The following GNE variants were observed in gnomAD, a reference collection of about 807,000 sequenced individuals.
GNE encodes the protein bifunctional UDP-N-acetylglucosamine 2-epimerase/N-acetylmannosamine kinase.
A neutral mutation model predicts 61.8 loss-of-function variants in GNE; 41 were observed. The ratio of observed to expected loss-of-function variants is 0.66; its 90% CI spans 0.52 to 0.86. The LOEUF is 0.86. GNE is among the 40% of genes least tolerant of loss of function. The pLI is 0.00. For missense variants in GNE, 608 were observed against 909.1 expected (o/e 0.67, Z 4.26); for synonymous variants, 264 against 326.4 (o/e 0.81, Z 2.06).
rs1828425582 is a variant in GNE, at chr9:36,218,324, A to T, written c.1817-25T>A. ...TCTGAACAGAGTGAGAAGGAAAAGC[A>T]GTCACTAATGAGCTGTGGGGAGGCC... On this transcript the variant is annotated intron_variant, in intron 10 of 11. Coordinates refer to ENST00000642385, the MANE Select transcript of GNE (RefSeq NM_005476.7). This position sits in a 1 kb window ranked among gnomAD's most constrained non-coding sequence, Gnocchi z 4.1. 3 of 1,551,336 alleles carry T rather than the reference A, an allele frequency of 1.9e-6. No homozygotes were observed. Among genetic ancestry groups the T allele is most frequent in the Non-Finnish European group, 2.7e-6 (3 of 1,122,670 alleles).
intron 6 of GNE, 116 bp downstream of exon 6, chr9:36,228,905 C>T (rs529242005): frequency 5.1e-5 from 40 of 779,570 alleles, no homozygotes; most frequent in Admixed American, 3.3e-4. Context: ...ACTAGGGGCC[C>T]GTAGGCATAA....
chr9:36,242,741 T>C (rs1227895393), intron 3 of GNE, among the ~76,000 whole-genome samples: 3 of 143,794 alleles, frequency 2.1e-5, no homozygotes, highest in Non-Finnish European at 4.6e-5. Flanking sequence ...TGTTTTTTTT[T>C]TTTTTTTTTT....
At chr9:36,264,255 C>T (rs1250193192) in intron 1 of GNE, among the ~76,000 whole-genome samples, 2 of 152,094 alleles carry the variant, frequency 1.3e-5, no homozygotes, top group African/African-American at 4.8e-5. Context: ...GCCTCAGCTT[C>T]CCAAGTAATT....
intron 7 of GNE, among the ~76,000 whole-genome samples, chr9:36,224,600 G>T (rs374618785): frequency 3.7e-4 from 56 of 152,268 alleles, no homozygotes; most frequent in African/African-American, 1.2e-3. Flanking sequence ...CGGCCGTGGT[G>T]GCTCACGCCT....
intron 1 of GNE, among the ~76,000 whole-genome samples, chr9:36,265,985 AG>A (rs756521265): frequency 1.1e-4 from 17 of 152,056 alleles, no homozygotes; most frequent in Admixed American, 9.8e-4. Context: ...GCTGGAGTGC[AG>A]TGGCGCAATC....
chr9:36,250,593 A>G (rs114138699), intron 1 of GNE, among the ~76,000 whole-genome samples: 1,684 of 152,294 alleles, frequency 0.011, 32 homozygotes, highest in African/African-American at 0.037. Context: ...CTCTTCATCC[A>G]TACAAGGACT....
intron 3 of GNE, among the ~76,000 whole-genome samples, chr9:36,242,708 G>A (rs1457334710): frequency 6.1e-5 from 9 of 146,504 alleles, no homozygotes; most frequent in South Asian, 2.2e-4. Context: ...GTGAGCCACC[G>A]CATCTGGCCT....
intron 2 of GNE, among the ~76,000 whole-genome samples, chr9:36,248,593 G>A (rs917451544): frequency 6.6e-6 from 1 of 151,930 alleles, no homozygotes; most frequent in African/African-American, 2.4e-5. Context: ...CAGAGTGCTG[G>A]GATTATAGGC....
intron 1 of GNE, among the ~76,000 whole-genome samples, chr9:36,252,551 G>A (rs952587493): frequency 6.6e-6 from 1 of 152,022 alleles, no homozygotes; most frequent in Non-Finnish European, 1.5e-5. Flanking sequence ...GAGCAAGCTG[G>A]CCATATAAAT....
intron 1 of GNE, among the ~76,000 whole-genome samples, chr9:36,273,759 C>T (rs1311785664): frequency 2.0e-5 from 3 of 151,026 alleles, no homozygotes; most frequent in African/African-American, 7.3e-5. Context: ...CTGCCTCAGC[C>T]TCCCGAGTAG....
intron 1 of GNE, among the ~76,000 whole-genome samples, chr9:36,253,588 C>T (rs1316907333): frequency 6.6e-6 from 1 of 151,684 alleles, no homozygotes; most frequent in Admixed American, 6.6e-5. Context: ...ACAAATCTTA[C>T]TTTTTAAAAT....
At chr9:36,233,340 C>T (rs1391836235) in intron 5 of GNE, among the ~76,000 whole-genome samples, 1 of 152,178 alleles carries the variant, frequency 6.6e-6, no homozygotes, top group African/African-American at 2.4e-5. Context: ...CAACCACATT[C>T]TCTCTTAAAC....
rs74307329 is a variant in GNE at position 36,224,048 on chromosome 9, G to A, written c.1282-546C>T. The stretch of plus-strand genomic sequence containing the variant: ...ATTACAGGCGTGAGCCACTGCCCCC[G>A]GCCGGGCCCCTTTCTTAAGCTTAAG... On this transcript the variant is annotated intron_variant, in intron 7 of 11. Transcript: ENST00000642385. 2.7e-4 allele frequency among the ~76,000 whole-genome samples: 40 copies of A among 149,462 alleles called. No individual in the cohort carries two copies. The East Asian group carries it at 8.3e-3, about 31-fold the overall frequency.
rs189454495 is a variant in GNE at position 36,223,433 on chromosome 9, G to A, written c.1351C>T (p.Gln451Ter). 1 of 1,609,530 alleles carries A rather than the reference G, an allele frequency of 6.2e-7. No individual in the cohort carries two copies. The highest frequency in any genetic ancestry group is 2.2e-5 in the East Asian group (1 of 44,866). ...TYEERINLILQMCVEAAAEAV... is the reference protein window; with the variant it reads ...TYEERINLIL ...TCTGCTGCAGCTTCCACACACATCT[G>A]TAGGATTAAATTAATCCTCTCTTCA... is the stretch of plus-strand genomic sequence containing the variant. Residue 451 changes from glutamine to a stop codon, truncating the protein, a stop_gained, in exon 8 of 12, where the codon CAG becomes TAG. Transcript: ENST00000642385. LOFTEE classifies it high-confidence loss of function.
chr9:36,258,421 G>A lies in GNE; in HGVS notation c.-143C>T. 3 of 985,492 alleles carry A rather than the reference G, an allele frequency of 3.0e-6. No individual in the cohort carries two copies. Among genetic ancestry groups the A allele is most frequent in the Non-Finnish European group, 3.6e-6 (3 of 829,972 alleles). 61.0% of individuals were successfully genotyped at this position (985,492 alleles called of 1,614,324 possible). ...AGGCAGAGCGCGAGCCTGCCCCTCGGTTTCCGCGCTCGGGCGCGCGGGTAG... is the reference window on the plus strand; with the variant it reads ...AGGCAGAGCGCGAGCCTGCCCCTCGATTTCCGCGCTCGGGCGCGCGGGTAG... On this transcript the variant is annotated 5_prime_UTR_variant, in exon 1 of 12. Coordinates refer to ENST00000642385, the MANE Select transcript of GNE (RefSeq NM_005476.7).
upstream of GNE, among the ~76,000 whole-genome samples, chr9:36,262,737 T>C (rs1448286580): frequency 6.6e-6 from 1 of 152,160 alleles, no homozygotes; most frequent in African/African-American, 2.4e-5. Flanking sequence ...CTCATCAGAG[T>C]GGGAGACCTT....
chr9:36,258,351 G>A lies in GNE; in HGVS notation c.-73C>T. 1.0e-6 allele frequency: 1 copy of A among 985,514 alleles called. No individual in the cohort carries two copies. Among genetic ancestry groups the A allele is most frequent in the Non-Finnish European group, 1.2e-6 (1 of 830,010 alleles). The allele number at this position is 985,514 out of a possible 1,614,324, so 61.0% of individuals were successfully genotyped here. ...GCCGTCAGAGGCTCCCTCCCACGCC[G>A]CCACCGCGCTCCTCGGGCGAGGGAC... On this transcript the variant is annotated 5_prime_UTR_variant, in exon 1 of 12. Coordinates refer to ENST00000642385, the MANE Select transcript of GNE (RefSeq NM_005476.7).
intron 1 of GNE, among the ~76,000 whole-genome samples, chr9:36,276,011 A>G (rs1418388059): frequency 1.3e-5 from 2 of 152,116 alleles, no homozygotes; most frequent in African/African-American, 4.8e-5. Context: ...TGTCTCTACA[A>G]AAAATTTAAA....
upstream of GNE, among the ~76,000 whole-genome samples, chr9:36,260,893 A>ACC (rs1563957452): frequency 8.8e-5 from 12 of 136,982 alleles, no homozygotes; most frequent in South Asian, 6.7e-4. Flanking sequence ...AAAAAAAAAA[A>ACC]AAAAAAACCC....
Sources: gnomAD v4.1 joint callset for allele counts (sites outside exome capture counted in the v4.1 genomes callset) on GRCh38, gnomAD v4.1.1 for gene constraint, Gnocchi (gnomAD v3.1) non-coding constraint, MANE v1.5 for transcripts, NCBI Gene and HGNC (gene_info 2026-07-23, HGNC 2026-07-21) for gene names.